SLCO1B3: variants seen among roughly 807,000 people sequenced by gnomAD.
SLCO1B3 encodes solute carrier organic anion transporter family member 1B3, also known as liver-specific organic anion transporter 2.
A neutral mutation model predicts 71.8 loss-of-function variants in SLCO1B3; 72 were observed. The observed-to-expected ratio is 1.00, with a 90% CI of 0.83 to 1.22. The LOEUF is 1.22. SLCO1B3 is among the 50% of genes most tolerant of loss of function. The pLI, the probability that SLCO1B3 is intolerant of heterozygous loss-of-function variation, is 0.00. For synonymous variants in SLCO1B3, 298 were observed against 278.4 expected (o/e 1.07, Z -0.70); for missense variants, 911 against 819.7 (o/e 1.11, Z -1.36).
In SLCO1B3 at chr12:20,841,902, TGA is replaced by T. The variant is rs770244779; in HGVS notation, c.85-13123_85-13122del. Among the ~76,000 whole-genome samples the T allele has an allele frequency of 9.9e-4, 90 of 90,990 alleles. 1 individual carries two copies. Among genetic ancestry groups the T allele is most frequent in the Middle Eastern group, 6.9e-3 (1 of 144 alleles). The allele number at this position is 90,990 out of a possible 152,430, so 59.7% of individuals were successfully genotyped here. ...GGATGTAGTTTTTTTTTTTTTTTTTTGAGACAGAGTCTCACTCTTTCACCCAG... is the reference window on the plus strand; with the variant it reads ...GGATGTAGTTTTTTTTTTTTTTTTTTGACAGAGTCTCACTCTTTCACCCAG... On this transcript the variant is annotated intron_variant, in intron 3 of 15. Coordinates refer to ENST00000381545, the MANE Select transcript of SLCO1B3 (RefSeq NM_019844.4).
At chr12:20,900,302 T>C (rs4149154) in intron 14 of SLCO1B3, among the ~76,000 whole-genome samples, 4 of 152,072 alleles carry the variant, frequency 2.6e-5, no homozygotes, top group African/African-American at 7.2e-5. Context: ...CGGTAAAACA[T>C]TCATGTATAA....
intron 8 of SLCO1B3, among the ~76,000 whole-genome samples, chr12:20,863,518 AT>A (rs1399100486): frequency 6.6e-6 from 1 of 152,080 alleles, no homozygotes; most frequent in African/African-American, 2.4e-5. Flanking sequence ...CCTTCACCAT[AT>A]CCATATTTAT....
intron 3 of SLCO1B3, among the ~76,000 whole-genome samples, chr12:20,852,788 G>A (rs574067480): frequency 6.6e-6 from 1 of 151,986 alleles, no homozygotes; most frequent in South Asian, 2.1e-4. Context: ...TTTGTGTCCT[G>A]CAACTTTGCT....
At chr12:20,827,310 C>T (rs1295313166) in intron 3 of SLCO1B3, among the ~76,000 whole-genome samples, 2 of 152,144 alleles carry the variant, frequency 1.3e-5, no homozygotes, top group Non-Finnish European at 2.9e-5. Flanking sequence ...TTAAAACACA[C>T]TTATTTATTA....
chr12:20,882,436 C>G (rs1165841932), intron 12 of SLCO1B3, among the ~76,000 whole-genome samples: 1 of 152,054 alleles, frequency 6.6e-6, no homozygotes, highest in East Asian at 1.9e-4. Flanking sequence ...TGGAGTCTCA[C>G]CCTGTCACCC....
intron 10 of SLCO1B3, 117 bp from the exon 11 acceptor site, chr12:20,879,319 C>T (rs1591777242): frequency 1.5e-6 from 1 of 677,370 alleles, no homozygotes; most frequent in Non-Finnish European, 2.2e-6. Flanking sequence ...CCACCCTTCT[C>T]TTAAAGAAAT....
At chr12:20,822,984 G>A (rs1053776875) in intron 3 of SLCO1B3, among the ~76,000 whole-genome samples, 2 of 152,024 alleles carry the variant, frequency 1.3e-5, no homozygotes, top group Admixed American at 6.6e-5. Flanking sequence ...ATCTCGCATG[G>A]CTGTGATGTT....
At chr12:20,863,724 A>G (rs1003629655) in intron 8 of SLCO1B3, among the ~76,000 whole-genome samples, 5 of 152,258 alleles carry the variant, frequency 3.3e-5, no homozygotes, top group Admixed American at 1.3e-4. Flanking sequence ...CAATTGATTA[A>G]CTGTTTCTCA....
chr12:20,854,176 G>C (rs1191473799), intron 3 of SLCO1B3, among the ~76,000 whole-genome samples: 4 of 152,098 alleles, frequency 2.6e-5, no homozygotes, highest in Admixed American at 6.6e-5. Context: ...GATGTATTCT[G>C]TTGTTATTTG....
chr12:20,861,415 C>T (rs1293446036), intron 6 of SLCO1B3, among the ~76,000 whole-genome samples: 1 of 152,100 alleles, frequency 6.6e-6, no homozygotes, highest in Non-Finnish European at 1.5e-5. Flanking sequence ...TAGGCGGTTT[C>T]CACAGGGCAA....
chr12:20,828,495 G>A (rs1329782221), intron 3 of SLCO1B3, among the ~76,000 whole-genome samples: 1 of 151,982 alleles, frequency 6.6e-6, no homozygotes, highest in Non-Finnish European at 1.5e-5. Flanking sequence ...ACACAGTGGA[G>A]GGTGGCAAGA....
intron 3 of SLCO1B3, among the ~76,000 whole-genome samples, chr12:20,843,451 A>G (rs191758207): frequency 2.0e-5 from 3 of 152,324 alleles, no homozygotes; most frequent in Non-Finnish European, 2.9e-5. Flanking sequence ...ATGGCTAAAT[A>G]TAAAATTACA....
intron 12 of SLCO1B3, among the ~76,000 whole-genome samples, chr12:20,882,204 A>C (rs1336641573): frequency 6.6e-6 from 1 of 152,098 alleles, no homozygotes; most frequent in Non-Finnish European, 1.5e-5. Flanking sequence ...AATATTGGCA[A>C]TGGCTATGCT....
At position 20,862,751 on chromosome 12, in the gene SLCO1B3, T is replaced by TA. The variant is rs761200804; in HGVS notation, c.629-4dup. 8 of 1,599,490 alleles carry TA rather than the reference T, an allele frequency of 5.0e-6. No individual in the cohort carries two copies. The African/African-American group carries it at 1.1e-4, about 21-fold the overall frequency. On this transcript the variant is annotated splice_polypyrimidine_tract_variant and splice_region_variant and intron_variant, in intron 7 of 15. Transcript: ENST00000381545. ...TCTGATTAAATTGTTTTGTAATACTTACAGGTAGTTTGAATGCAATAGGAA... is the reference window on the plus strand; with the variant it reads ...TCTGATTAAATTGTTTTGTAATACTTAACAGGTAGTTTGAATGCAATAGGAA...
intron 5 of SLCO1B3, 64 bp downstream of exon 5, chr12:20,858,635 A>G (rs983727455): frequency 1.5e-5 from 22 of 1,475,540 alleles, no homozygotes; most frequent in Non-Finnish European, 2.0e-5. Flanking sequence ...GTAGAATTTT[A>G]TTTTTATACT....
chr12:20,916,418 A>G lies in SLCO1B3; in HGVS notation c.*171A>G. ...ATATAGCTATGCCTTTATGGTTAAG[A>G]TTAGAATATATGATCCATAAAAATT... On this transcript the variant is annotated 3_prime_UTR_variant, in exon 16 of 16. Transcript: ENST00000381545. 1 of 541,012 alleles carries G rather than the reference A, an allele frequency of 1.8e-6. No individual in the cohort carries two copies. The highest frequency in any genetic ancestry group is 3.2e-6 in the Non-Finnish European group (1 of 311,926). 33.5% of individuals were successfully genotyped at this position (541,012 alleles called of 1,614,324 possible).
intron 3 of SLCO1B3, among the ~76,000 whole-genome samples, chr12:20,818,592 G>A (rs980420704): frequency 3.3e-5 from 5 of 152,028 alleles, no homozygotes; most frequent in Non-Finnish European, 4.4e-5. Context: ...AATAATCCTT[G>A]AGGAGTAGCA....
chr12:20,883,769 A>C (rs1241131072), intron 13 of SLCO1B3, among the ~76,000 whole-genome samples, 167 bp downstream of exon 13: 2 of 151,888 alleles, frequency 1.3e-5, no homozygotes, highest in African/African-American at 4.8e-5. Flanking sequence ...CATCATTAAT[A>C]ATTTTTGTCT....
chr12:20,901,871 A>G (rs916344505), intron 15 of SLCO1B3: 1 of 435,110 alleles, frequency 2.3e-6, no homozygotes. Flanking sequence ...AAATGGAAAA[A>G]CAAAGTTTCA....
Sources: allele counts gnomAD v4.1 joint callset (sites outside exome capture counted in the v4.1 genomes callset), GRCh38; gene constraint gnomAD v4.1.1; transcripts MANE v1.5; gene names NCBI Gene and HGNC (gene_info 2026-07-23, HGNC 2026-07-21).